KANK2: variants seen among roughly 807,000 people sequenced by gnomAD.
The protein encoded by KANK2 is KN motif and ankyrin repeat domains 2.
In KANK2, 41 loss-of-function variants were observed where a neutral mutation model predicts 74.6. The observed-to-expected ratio is 0.55, with a 90% CI of 0.43 to 0.71. KANK2 has a LOEUF of 0.71. Ranked by LOEUF, KANK2 falls within the 30% of genes least tolerant of loss-of-function variation. The pLI is 0.00. For synonymous variants in KANK2, 537 were observed against 519.0 expected, an observed-to-expected ratio of 1.03 and a Z score of -0.47; for missense variants, 1,148 against 1,196.4, an observed-to-expected ratio of 0.96 and a Z score of 0.60.
intron 12 of KANK2, 28 bp downstream of exon 12, chr19:11,169,849 G>A (rs772084530): frequency 2.6e-5 from 41 of 1,581,932 alleles, no homozygotes; most frequent in Middle Eastern, 1.7e-4. Flanking sequence ...CACCCATCCC[G>A]TGCCTACCCG....
chr19:11,193,678 A>T lies in KANK2; in HGVS notation c.402T>A (p.Arg134=). 1 of 1,606,146 alleles carries T rather than the reference A, an allele frequency of 6.2e-7. No homozygotes were observed. The highest frequency in any genetic ancestry group is 8.5e-7 in the Non-Finnish European group (1 of 1,175,610). The change falls in exon 4 of 13, where the codon CGT becomes CGA. Residue 134 remains arginine, a synonymous_variant. Coordinates refer to ENST00000586659, the MANE Select transcript of KANK2 (RefSeq NM_001136191.3). This position sits in a 1 kb window ranked among gnomAD's most constrained non-coding sequence, Gnocchi z 9.6. ...VERTLLDARR[R]LEDQAATPTG... Reference sequence around the variant, plus strand: ...TGGGTGTGGCCGCCTGGTCCTCGAGACGGCGACGGGCATCCAGCAGCGTGC... The same window carrying T: ...TGGGTGTGGCCGCCTGGTCCTCGAGTCGGCGACGGGCATCCAGCAGCGTGC...
chr19:11,193,000 G>A lies in KANK2; in HGVS notation c.1080C>T (p.Tyr360=), dbSNP rs370878156. 118 of 1,613,736 alleles carry A rather than the reference G, an allele frequency of 7.3e-5. No individual in the cohort carries two copies. Among genetic ancestry groups the A allele is most frequent in the African/African-American group, 2.0e-4 (15 of 74,938 alleles). The stretch of plus-strand genomic sequence containing the variant: ...TTGCCAGGGCCCTCAGCCCTGTGCC[G>A]TAAGGCTCCAGGCTCTGGGCCCGCT... ...PAQRAQSLEP[Y]GTGLRALAMP... is the part of the protein sequence containing the mutation. The change falls in exon 4 of 13, where the codon TAC becomes TAT. Residue 360 remains tyrosine (Y), a synonymous_variant. Coordinates refer to ENST00000586659, the MANE Select transcript of KANK2 (RefSeq NM_001136191.3).
intron 4 of KANK2, among the ~76,000 whole-genome samples, chr19:11,187,105 A>AACTATCCTGGC (rs1357878380): frequency 1.3e-5 from 2 of 151,316 alleles, no homozygotes; most frequent in African/African-American, 4.9e-5. Flanking sequence ...AAAATACAAA[A>AACTATCCTGGC]ATTAGCCAGG....
rs777479263 is a variant in KANK2, at chr19:11,178,387, G to A, written c.1478C>T (p.Thr493Met). 2.0e-5 allele frequency: 32 copies of A among 1,561,040 alleles called. No homozygotes were observed. The highest frequency in any genetic ancestry group is 1.4e-4 in the South Asian group (12 of 82,774). The change falls in exon 6 of 13, where the codon ACG becomes ATG. Residue 493 changes from threonine (T) to methionine (M), a missense_variant. Thr to Met is a moderately conservative substitution (Grantham distance 81). Transcript: ENST00000586659. ...GAACTGGAGGCTCCTCCGGTGGGCC[G>A]TGGGGTCTGCAACCTCCTCTTTCCG... is the stretch of plus-strand genomic sequence containing the variant. ...MKRKEEVADP[T>M]AHRRSLQFVG...
chr19:11,180,092 G>A (rs562805739), intron 4 of KANK2, among the ~76,000 whole-genome samples: 17 of 152,148 alleles, frequency 1.1e-4, no homozygotes, highest in Non-Finnish European at 2.1e-4. Context: ...GAACTCCTGA[G>A]CTCAAGTGAT....
chr19:11,176,929 TG>T (rs1169881602), intron 6 of KANK2, 112 bp from the exon 7 acceptor site: 1 of 1,253,996 alleles, frequency 8.0e-7, no homozygotes, highest in Non-Finnish European at 1.1e-6. Context: ...CTTCCCCATC[TG>T]TTCAATGGCA....
rs1052171560 is a variant in KANK2, at chr19:11,164,271, C to T, written c.*2287G>A. On this transcript the variant is annotated 3_prime_UTR_variant, in exon 13 of 13. Transcript: ENST00000586659. ...GAAAAAAGAAAAGACACAGAATCAT[C>T]AACATTATTGGTAGCTTTATTAAAT... 1 of 151,974 alleles carries T rather than the reference C, an allele frequency of 6.6e-6. No individual in the cohort carries two copies. The allele number at this position is 151,974 out of a possible 1,614,324, so 9.4% of individuals were successfully genotyped here. A position where few individuals can be genotyped will look rare whatever the true frequency, so the allele number is the denominator to read the frequency against.
chr19:11,178,738 G>C lies in KANK2; in HGVS notation c.1250-18C>G. On this transcript the variant is annotated intron_variant, in intron 4 of 12. Transcript: ENST00000586659. ...TGGGAGGCCTGGAGGGACAGGAAAT[G>C]AGTGTCTGCTCTTGGTCATAAAAGC... 6.6e-7 allele frequency: 1 copy of C among 1,510,132 alleles called. No individual in the cohort carries two copies. The highest frequency in any genetic ancestry group is 8.8e-7 in the Non-Finnish European group (1 of 1,133,622). The allele number at this position is 1,510,132 out of a possible 1,614,324, so 93.5% of individuals were successfully genotyped here.
chr19:11,186,915 C>T (rs1336714810), intron 4 of KANK2, among the ~76,000 whole-genome samples: 4 of 151,966 alleles, frequency 2.6e-5, no homozygotes, highest in Non-Finnish European at 5.9e-5. Context: ...CAGCATTGTT[C>T]GTGGTGGCCG....
At chr19:11,187,549 G>A (rs937848576) in intron 4 of KANK2, among the ~76,000 whole-genome samples, 1 of 152,080 alleles carries the variant, frequency 6.6e-6, no homozygotes, top group African/African-American at 2.4e-5. Flanking sequence ...TCAGTCTGTG[G>A]GTGCTGTTTT....
chr19:11,171,037 G>T, intron 10 of KANK2, among the ~76,000 whole-genome samples: 1 of 152,120 alleles, frequency 6.6e-6, no homozygotes, highest in East Asian at 1.9e-4. Flanking sequence ...GGCCAGGATG[G>T]TCTCAATCTC....
intron 4 of KANK2, among the ~76,000 whole-genome samples, chr19:11,186,624 G>A (rs1431255339): frequency 9.2e-5 from 14 of 152,042 alleles, no homozygotes; most frequent in Non-Finnish European, 1.6e-4. Flanking sequence ...GCTTGAACCC[G>A]GGAGGTGGAG....
Position 11,193,496 on chromosome 19 carries a change from G to A in KANK2, c.584C>T (p.Ala195Val), listed in dbSNP as rs774366100. The A allele has an allele frequency of 5.6e-6, 9 of 1,610,096 alleles. No individual in the cohort carries two copies. Among genetic ancestry groups the A allele is most frequent in the South Asian group, 4.4e-5 (4 of 91,080 alleles). ...LAHVREQMAG[A>V]LRKLRQLEEQ... is the part of the protein sequence containing the mutation. ...CTCCAGCTGCCGCAGCTTCCGCAGG[G>A]CACCCGCCATCTGCTCCCGCACGTG... The change falls in exon 4 of 13, where the codon GCC (alanine) becomes GTC (valine). Residue 195 changes from alanine (A) to valine (V), a missense_variant. Ala to Val is a moderately conservative substitution (Grantham distance 64). Coordinates refer to ENST00000586659, the MANE Select transcript of KANK2 (RefSeq NM_001136191.3). This position sits in a 1 kb window ranked among gnomAD's most constrained non-coding sequence, Gnocchi z 9.6.
intron 6 of KANK2, among the ~76,000 whole-genome samples, chr19:11,177,914 C>T (rs759117091): frequency 1.3e-5 from 2 of 152,130 alleles, no homozygotes; most frequent in Non-Finnish European, 2.9e-5. Flanking sequence ...CTACTTCTCC[C>T]GTACCACCTG....
At chr19:11,181,910 T>C (rs1000900891) in intron 4 of KANK2, among the ~76,000 whole-genome samples, 8 of 145,168 alleles carry the variant, frequency 5.5e-5, no homozygotes, top group Admixed American at 2.8e-4. Flanking sequence ...ATGGATAAGA[T>C]GGTTAATTTT....
chr19:11,169,344 C>A (rs549179852), intron 12 of KANK2, among the ~76,000 whole-genome samples: 2 of 151,350 alleles, frequency 1.3e-5, no homozygotes, highest in South Asian at 2.1e-4. Flanking sequence ...TCTCAAAAAA[C>A]AAAACAAAAA....
chr19:11,196,770 T>TA (rs938265873), intron 1 of KANK2: 2 of 152,232 alleles, frequency 1.3e-5, no homozygotes, highest in African/African-American at 4.8e-5. Context: ...GGTGACAGGA[T>TA]AAGACAGAGA....
intron 10 of KANK2, among the ~76,000 whole-genome samples, chr19:11,171,377 G>A (rs753244512): frequency 3.2e-4 from 49 of 152,002 alleles, no homozygotes; most frequent in Non-Finnish European, 6.8e-4. Context: ...AGCATGGGAG[G>A]TCAAGGCTGC....
intron 4 of KANK2, among the ~76,000 whole-genome samples, chr19:11,183,220 G>A (rs2078579463): frequency 6.6e-6 from 1 of 152,186 alleles, no homozygotes; most frequent in African/African-American, 2.4e-5. Context: ...TTAATAAATG[G>A]ACCAATGGGA....
Sources: allele counts gnomAD v4.1 joint callset (sites outside exome capture counted in the v4.1 genomes callset), GRCh38; gene constraint gnomAD v4.1.1; non-coding constraint Gnocchi (gnomAD v3.1); transcripts MANE v1.5; gene names NCBI Gene and HGNC (gene_info 2026-07-23, HGNC 2026-07-21).